The following MYO6 variants were observed in gnomAD, a reference collection of about 807,000 sequenced individuals.
The protein encoded by MYO6 is myosin VI.
Under a neutral mutation model 178.7 loss-of-function variants are expected in MYO6, and 74 were observed. That is an observed-to-expected ratio of 0.41 (90% CI 0.34 to 0.50). MYO6 has a LOEUF of 0.50. Ranked by LOEUF, MYO6 falls within the 20% of genes least tolerant of loss-of-function variation. MYO6 has a pLI of 0.09. For synonymous variants in MYO6, 477 were observed against 504.6 expected (o/e 0.95, Z 0.73); for missense variants, 1,330 against 1,547.4 (o/e 0.86, Z 2.36).
At chr6:75,853,531 A>T (rs1396093461) in intron 11 of MYO6, among the ~76,000 whole-genome samples, 1 of 152,196 alleles carries the variant, frequency 6.6e-6, no homozygotes, top group Non-Finnish European at 1.5e-5. Context: ...GAAGGGGTCC[A>T]GCTTCATTCT....
rs199542202 is a variant in MYO6 at position 75,750,614 on chromosome 6, C to CT, written c.-48+1203dup. ...AGAACTTGAGAGTTTTAAAAATTAA[C>CT]TTTTTTTTTTTTGAGACAGAGCCTC... On this transcript the variant is annotated intron_variant, in intron 1 of 34. Coordinates refer to ENST00000369977, the MANE Select transcript of MYO6 (RefSeq NM_004999.4). Among the ~76,000 whole-genome samples, 1,862 of 141,508 alleles carry CT rather than the reference C, an allele frequency of 0.013. 46 individuals are homozygous for CT. In the East Asian group the frequency reaches 0.14, roughly 11 times the overall value. 92.8% of individuals were successfully genotyped at this position (141,508 alleles called of 152,430 possible). A position where few individuals can be genotyped will look rare whatever the true frequency, so the allele number is the denominator to read the frequency against.
At chr6:75,820,766 T>C (rs1257638168) in intron 2 of MYO6, among the ~76,000 whole-genome samples, 1 of 152,188 alleles carries the variant, frequency 6.6e-6, no homozygotes, top group East Asian at 1.9e-4. Context: ...AGATACCCAA[T>C]CTCTCCCTCC....
chr6:75,883,002 T>G (rs1778163569), intron 23 of MYO6, among the ~76,000 whole-genome samples: 1 of 152,134 alleles, frequency 6.6e-6, no homozygotes, highest in African/African-American at 2.4e-5. Context: ...AGAACTGAAA[T>G]CTTGAGAAAT....
At chr6:75,755,032 A>G (rs996219071) in intron 1 of MYO6, among the ~76,000 whole-genome samples, 2 of 152,082 alleles carry the variant, frequency 1.3e-5, no homozygotes, top group Non-Finnish European at 2.9e-5. Context: ...GGAGTTTGAG[A>G]ACAGCCTGGG....
rs762012236 is a variant in MYO6, at chr6:75,870,689, A to G, written c.1983+4A>G. The G allele has an allele frequency of 6.2e-7, 1 of 1,610,202 alleles. No homozygotes were observed. The highest frequency in any genetic ancestry group is 8.5e-7 in the Non-Finnish European group (1 of 1,177,748). On this transcript the variant is annotated splice_donor_region_variant and intron_variant, in intron 19 of 34. Coordinates refer to ENST00000369977, the MANE Select transcript of MYO6 (RefSeq NM_004999.4). ...TCTGGATAAACTTCGAAGTACTGTG[A>G]GTATGCTTAAAAAGAAAACAGGTTT...
chr6:75,751,225 T>C lies in MYO6; in HGVS notation c.-48+1802T>C, dbSNP rs1283404617. On this transcript the variant is annotated intron_variant, in intron 1 of 34. Coordinates refer to ENST00000369977, the MANE Select transcript of MYO6 (RefSeq NM_004999.4). ...TATTTTACGTTACGCAGGAATTGCA[T>C]CCACTTTGGTAAACAGAAGTCATTT... 2.6e-5 allele frequency among the ~76,000 whole-genome samples: 4 copies of C among 152,240 alleles called. No individual in the cohort carries two copies. In the East Asian group the frequency reaches 5.8e-4, roughly 22 times the overall value.
chr6:75,814,329 C>T (rs190321321), intron 1 of MYO6, among the ~76,000 whole-genome samples: 1 of 152,108 alleles, frequency 6.6e-6, no homozygotes, highest in Non-Finnish European at 1.5e-5. Flanking sequence ...CTCCCCTCTC[C>T]AGTGCCTCTT....
chr6:75,905,101 G>A (rs112555007), intron 30 of MYO6, among the ~76,000 whole-genome samples: 463 of 152,294 alleles, frequency 3.0e-3, no homozygotes, highest in Non-Finnish European at 4.8e-3. Context: ...CTCCAGCTGC[G>A]TCCTGGGAGA....
Position 75,907,633 on chromosome 6 carries a change from G to A in MYO6, c.3205G>A (p.Ala1069Thr), listed in dbSNP as rs367557147. 15 of 1,613,594 alleles carry A rather than the reference G, an allele frequency of 9.3e-6. No homozygotes were observed. The highest frequency in any genetic ancestry group is 1.3e-5 in the Non-Finnish European group (15 of 1,179,878). ...TCCTGCTGTACTAGCCACCAAAGCA[G>A]CTGCTGGTACTAAGAAATATGATCT... is the stretch of plus-strand genomic sequence containing the variant. ...RGPAVLATKA[A>T]AGTKKYDLSK... is the part of the protein sequence containing the mutation. The change falls in exon 31 of 35, where the codon GCT (alanine) becomes ACT (threonine). Residue 1069 changes from alanine to threonine, a missense_variant. Ala to Thr is a moderately conservative substitution (Grantham distance 58). Around this residue, in one of 3 missense-constraint regions of MYO6, gnomAD observed 601 missense variants for 626.1 expected, o/e 0.96. Transcript: ENST00000369977.
intron 31 of MYO6, 86 bp downstream of exon 31, chr6:75,907,794 A>ATGTGTG (rs71002774): frequency 0.037 from 27,360 of 738,128 alleles, 61 homozygotes; most frequent in Middle Eastern, 0.043. Context: ...GTGTGTGTGT[A>ATGTGTG]TGTGTGTGTG....
chr6:75,866,422 T>C (rs1159608200), intron 16 of MYO6, 104 bp from the exon 17 acceptor site: 7 of 892,838 alleles, frequency 7.8e-6, no homozygotes, highest in Non-Finnish European at 1.3e-5. Flanking sequence ...GTGTGAAAAT[T>C]TCCTGTATAA....
At chr6:75,755,613 A>G (rs1202640912) in intron 1 of MYO6, among the ~76,000 whole-genome samples, 1 of 152,186 alleles carries the variant, frequency 6.6e-6, no homozygotes, top group Non-Finnish European at 1.5e-5. Context: ...GTTCTGGGGG[A>G]ATTTTGAAAA....
rs58950544 is a variant in MYO6 at position 75,823,783 on chromosome 6, G to A, written c.187+932G>A. 3.9e-3 allele frequency among the ~76,000 whole-genome samples: 598 copies of A among 152,318 alleles called. 4 individuals carry two copies. The highest frequency in any genetic ancestry group is 0.013 in the African/African-American group (540 of 41,566). On this transcript the variant is annotated intron_variant, in intron 3 of 34. Transcript: ENST00000369977. ...TATGTTGTTAGGAGGCTGTCTGCTC[G>A]TGGGCATTTCGTCTCTCTTCTGAAA...
chr6:75,914,755 T>C, intron 34 of MYO6, 58 bp from the exon 35 acceptor site: 1 of 1,524,654 alleles, frequency 6.6e-7, no homozygotes, highest in Non-Finnish European at 9.1e-7. Context: ...GGCATACAAC[T>C]GGTAAGAAAT....
chr6:75,861,793 C>T (rs961611016), intron 15 of MYO6, among the ~76,000 whole-genome samples: 4 of 152,142 alleles, frequency 2.6e-5, no homozygotes, highest in Non-Finnish European at 5.9e-5. Context: ...TTTCAAAGCA[C>T]TTTCACATTT....
At chr6:75,891,077 T>C in intron 26 of MYO6, 151 bp from the exon 27 acceptor site, 1 of 491,692 alleles carries the variant, frequency 2.0e-6, no homozygotes, top group Non-Finnish European at 3.8e-6. Flanking sequence ...AAATTTTATT[T>C]TATTCAAAAT....
intron 30 of MYO6, among the ~76,000 whole-genome samples, chr6:75,900,127 A>T (rs1298665310): frequency 2.6e-5 from 4 of 151,558 alleles, no homozygotes; most frequent in Admixed American, 1.3e-4. Context: ...TCTTAATCCA[A>T]TCTATCATTG....
At chr6:75,795,527 A>G (rs1394809085) in intron 1 of MYO6, among the ~76,000 whole-genome samples, 2 of 152,122 alleles carry the variant, frequency 1.3e-5, no homozygotes, top group African/African-American at 4.8e-5. Context: ...TTTATAGAGG[A>G]TCTCAGTAAT....
intron 18 of MYO6, among the ~76,000 whole-genome samples, chr6:75,868,017 G>T (rs764341986): frequency 8.5e-4 from 129 of 152,032 alleles, no homozygotes; most frequent in Middle Eastern, 3.5e-3. Flanking sequence ...CTCTACATTT[G>T]CCTTTCACTA....
Sources: allele counts gnomAD v4.1 joint callset (sites outside exome capture counted in the v4.1 genomes callset), GRCh38; gene constraint gnomAD v4.1.1; regional missense constraint gnomAD v4.1.1; transcripts MANE v1.5; gene names NCBI Gene and HGNC (gene_info 2026-07-23, HGNC 2026-07-21).